The following SEC24A variants were observed in gnomAD, a reference collection of about 807,000 sequenced individuals.
SEC24A encodes the protein protein transport protein Sec24A.
SEC24A carries 93 observed loss-of-function variants against 129.4 expected under a neutral mutation model. That is an observed-to-expected ratio of 0.72 (90% CI 0.61 to 0.85). The LOEUF (loss-of-function observed/expected upper bound fraction) is 0.85. Ranked by LOEUF, SEC24A falls within the 40% of genes least tolerant of loss-of-function variation. The probability of loss-of-function intolerance (pLI) is 0.00; values close to 1 mark genes in which losing one functional copy is unlikely to be tolerated. For synonymous variants in SEC24A, 460 were observed against 467.3 expected (o/e 0.98, Z 0.20); for missense variants, 1,264 against 1,307.4 (o/e 0.97, Z 0.51).
Position 134,721,017 on chromosome 5 carries a change from G to A in SEC24A, c.2990G>A (p.Gly997Glu), listed in dbSNP as rs1309115274. ...CCCTAGGTACTGATGCTTTGGGTTG[G>A]AAAAAATTGTACACAGAATTTTCTC... is the stretch of plus-strand genomic sequence containing the variant. ...DAGSVLMLWV[G>E]KNCTQNFLSQ... The change falls in exon 21 of 23, where the codon GGA becomes GAA. Residue 997 changes from glycine (G) to glutamate (E), a missense_variant. Transcript: ENST00000398844. 3.1e-6 allele frequency: 5 copies of A among 1,611,494 alleles called. No homozygotes were observed. In the African/African-American group the frequency reaches 5.4e-5, roughly 17 times the overall value.
At chr5:134,655,748 C>G (rs909881747) in intron 1 of SEC24A, among the ~76,000 whole-genome samples, 3 of 152,092 alleles carry the variant, frequency 2.0e-5, no homozygotes, top group South Asian at 2.1e-4. Context: ...TCTCATTTTC[C>G]GAGCTGCATT....
chr5:134,670,880 A>G (rs1384986245), intron 3 of SEC24A, among the ~76,000 whole-genome samples: 1 of 151,836 alleles, frequency 6.6e-6, no homozygotes, highest in Non-Finnish European at 1.5e-5. Flanking sequence ...TCCCAGCTAC[A>G]TGGGAGGCTG....
chr5:134,689,898 A>T (rs560285122), intron 11 of SEC24A, among the ~76,000 whole-genome samples: 1 of 152,236 alleles, frequency 6.6e-6, no homozygotes, highest in Non-Finnish European at 1.5e-5. Context: ...CAAACCGACA[A>T]ATATTGTATG....
At chr5:134,675,642 A>G (rs1051393499) in intron 6 of SEC24A, among the ~76,000 whole-genome samples, 1 of 152,214 alleles carries the variant, frequency 6.6e-6, no homozygotes, top group African/African-American at 2.4e-5. Flanking sequence ...TAAATTTGGT[A>G]CCTTTAAATT....
intron 15 of SEC24A, among the ~76,000 whole-genome samples, chr5:134,701,007 C>T (rs745984081): frequency 5.9e-5 from 9 of 151,994 alleles, no homozygotes; most frequent in Non-Finnish European, 1.2e-4. Context: ...CGTGAGCCAC[C>T]GCGCCTGGAC....
Position 134,679,746 on chromosome 5 carries a change from GA to G in SEC24A, c.1381+21del, listed in dbSNP as rs781624039. On this transcript the variant is annotated intron_variant, in intron 8 of 22. Transcript: ENST00000398844. ...CAATGATGGTATGGGATGCTTTTTT[GA>G]AACATTTAAACGTTTCTACTTGCAT... The G allele has an allele frequency of 6.5e-7, 1 of 1,543,036 alleles. No individual in the cohort carries two copies. The highest frequency in any genetic ancestry group is 1.2e-5 in the South Asian group (1 of 81,504).
chr5:134,691,589 G>A (rs1347263943), intron 11 of SEC24A, among the ~76,000 whole-genome samples: 1 of 145,302 alleles, frequency 6.9e-6, no homozygotes, highest in Non-Finnish European at 1.5e-5. Flanking sequence ...TGCAACCTCC[G>A]CCTCCCGGGT....
chr5:134,678,661 A>C lies in SEC24A; in HGVS notation c.1255-941A>C, dbSNP rs143235492. 6.2e-3 allele frequency among the ~76,000 whole-genome samples: 941 copies of C among 151,244 alleles called. 7 individuals carry two copies. The highest frequency in any genetic ancestry group is 0.022 in the African/African-American group (918 of 41,204). On this transcript the variant is annotated intron_variant, in intron 7 of 22. Transcript: ENST00000398844. ...AGTGGTGTAATCTTGGCTCACTGCA[A>C]CCTCTGCCTCCCAGGGTTGAAGCAA...
At chr5:134,694,000 G>T in intron 13 of SEC24A, 67 bp downstream of exon 13, 2 of 1,338,080 alleles carry the variant, frequency 1.5e-6, no homozygotes, top group South Asian at 1.3e-5. Context: ...CATAGAACTT[G>T]TTTTTTCTTT....
In SEC24A at chr5:134,675,105, G is replaced by A. The variant is rs778797719; in HGVS notation, c.1039G>A (p.Gly347Ser). 1.2e-6 allele frequency: 2 copies of A among 1,612,800 alleles called. No homozygotes were observed. The highest frequency in any genetic ancestry group is 1.7e-5 in the Admixed American group (1 of 59,964). The change falls in exon 6 of 23, where the codon GGT becomes AGT. Residue 347 changes from glycine to serine, a missense_variant. Physicochemically the swap from Gly to Ser is moderately conservative, Grantham distance 56. Transcript: ENST00000398844. Reference sequence around the variant, plus strand: ...GAGTGGATTAAGTCTACAACCAGAGGGTCTAAGAGTTGTCAATCTTCTTCA... The same window carrying A: ...GAGTGGATTAAGTCTACAACCAGAGAGTCTAAGAGTTGTCAATCTTCTTCA... ...SMSGLSLQPE[G>S]LRVVNLLQER...
At chr5:134,688,899 C>A (rs1373197363) in intron 11 of SEC24A, among the ~76,000 whole-genome samples, 1 of 152,094 alleles carries the variant, frequency 6.6e-6, no homozygotes, top group Non-Finnish European at 1.5e-5. Context: ...AGGCTGGTCT[C>A]AAACTCCTGA....
In SEC24A at chr5:134,718,109, C is replaced by G. The variant is rs2150113021; in HGVS notation, c.2906C>G (p.Pro969Arg). The G allele has an allele frequency of 1.2e-6, 2 of 1,614,088 alleles. No individual in the cohort carries two copies. Among genetic ancestry groups the G allele is most frequent in the African/African-American group, 1.3e-5 (1 of 75,030 alleles). The change falls in exon 20 of 23, where the codon CCC becomes CGC. Residue 969 changes from proline (P) to arginine (R), a missense_variant. Pro to Arg is a moderately radical substitution (Grantham distance 103, BLOSUM62 -2). Transcript: ENST00000398844. ...NISDRTIPQP[P>R]ILQLSVEKLS... Reference sequence around the variant, plus strand: ...AGTGATAGAACCATACCTCAGCCCCCCATTCTTCAGCTTTCAGTGGAGAAG... The same window carrying G: ...AGTGATAGAACCATACCTCAGCCCCGCATTCTTCAGCTTTCAGTGGAGAAG...
chr5:134,724,298 G>A (rs1033033859), intron 22 of SEC24A, among the ~76,000 whole-genome samples: 4 of 152,098 alleles, frequency 2.6e-5, no homozygotes. Context: ...GTTTTTTAAA[G>A]GCTGAAGTCG....
chr5:134,708,448 A>G (rs1359656501), intron 17 of SEC24A, among the ~76,000 whole-genome samples: 1 of 152,216 alleles, frequency 6.6e-6, no homozygotes, highest in African/African-American at 2.4e-5. Flanking sequence ...TTGGATTACA[A>G]TCAGTAGCAT....
intron 1 of SEC24A, among the ~76,000 whole-genome samples, chr5:134,652,516 G>A (rs933168798): frequency 2.7e-5 from 4 of 148,944 alleles, no homozygotes; most frequent in Admixed American, 2.7e-4. Flanking sequence ...GAACTCCCGA[G>A]CTCAGGTGAT....
intron 18 of SEC24A, among the ~76,000 whole-genome samples, chr5:134,711,072 G>T (rs765327831): frequency 3.3e-5 from 5 of 152,094 alleles, no homozygotes; most frequent in Non-Finnish European, 5.9e-5. Context: ...GGAGGCAGAG[G>T]TTGCAGTGAG....
intron 9 of SEC24A, among the ~76,000 whole-genome samples, chr5:134,684,216 A>G (rs992395931): frequency 1.3e-5 from 2 of 150,496 alleles, no homozygotes; most frequent in African/African-American, 4.9e-5. Flanking sequence ...GGCAGGAAAA[A>G]TGCTTGAAAC....
At chr5:134,682,549 G>A (rs1561815280) in intron 9 of SEC24A, 67 bp downstream of exon 9, 2 of 767,412 alleles carry the variant, frequency 2.6e-6, no homozygotes, top group Non-Finnish European at 4.4e-6. Flanking sequence ...AAACAATACA[G>A]CATCCTGTAA....
chr5:134,695,844 C>G (rs1405965715), intron 13 of SEC24A, among the ~76,000 whole-genome samples: 1 of 149,318 alleles, frequency 6.7e-6, no homozygotes, highest in East Asian at 2.0e-4. Context: ...GTCCCAGCTA[C>G]TTGGGAGGCT....
Sources: allele counts gnomAD v4.1 joint callset (sites outside exome capture counted in the v4.1 genomes callset), GRCh38; gene constraint gnomAD v4.1.1; transcripts MANE v1.5; gene names NCBI Gene and HGNC (gene_info 2026-07-23, HGNC 2026-07-21).